The following CROCC2 variants were observed in gnomAD, a reference collection of about 807,000 sequenced individuals.
CROCC2 encodes the protein ciliary rootlet coiled-coil, rootletin family member 2.
Under a neutral mutation model 177.6 loss-of-function variants are expected in CROCC2, and 163 were observed. That is an observed-to-expected ratio of 0.92 (90% confidence interval 0.81 to 1.05). The LOEUF (loss-of-function observed/expected upper bound fraction) is 1.05, where lower values mean the gene tolerates loss of function less well. Among genes scored for constraint, CROCC2 ranks in the 50% least tolerant of loss-of-function variants. The pLI, the probability that CROCC2 is intolerant of heterozygous loss-of-function variation, is 0.00. For missense variants in CROCC2, 1,929 were observed against 1,797.8 expected (o/e 1.07, Z -1.32); for synonymous variants, 904 against 787.3 (o/e 1.15, Z -2.48).
chr2:240,911,045 C>A (rs2106448988), intron 1 of CROCC2, among the ~76,000 whole-genome samples: 1 of 152,118 alleles, frequency 6.6e-6, no homozygotes, highest in Non-Finnish European at 1.5e-5. Flanking sequence ...GCAGGAGAAT[C>A]GCTTGAACCC....
chr2:240,947,899 A>G (rs764022821), intron 15 of CROCC2, among the ~76,000 whole-genome samples: 1 of 149,548 alleles, frequency 6.7e-6, no homozygotes, highest in African/African-American at 2.5e-5. Flanking sequence ...CAGGGTCTCA[A>G]TGGCAGAGCC....
chr2:240,920,033 G>A lies in CROCC2; in HGVS notation c.280G>A (p.Glu94Lys), dbSNP rs577749734. ...TGTGGCCCGAGTGCAAGAGGAGAAC[G>A]AGCTCCTGCAGGAGGAGCTGACCCG... ...ATVARVQEEN[E>K]LLQEELTRLG... is the part of the protein sequence containing the mutation. Residue 94 changes from glutamate (E) to lysine (K), a missense_variant, in exon 3 of 32, where the codon GAG (glutamate) becomes AAG (lysine). Around this residue, in one of 3 missense-constraint regions of CROCC2, gnomAD observed 1,397 missense variants for 1,239.9 expected, o/e 1.13. Coordinates refer to ENST00000690015, the MANE Select transcript of CROCC2 (RefSeq NM_001351305.2). The A allele has an allele frequency of 2.7e-4, 196 of 716,584 alleles. 2 individuals are homozygous for A. Among genetic ancestry groups the A allele is most frequent in the South Asian group, 2.0e-3 (133 of 67,576 alleles). The allele number at this position is 716,584 out of a possible 1,614,324, so 44.4% of individuals were successfully genotyped here. A position where few individuals can be genotyped will look rare whatever the true frequency, so the allele number is the denominator to read the frequency against.
At position 240,918,777 on chromosome 2, in the gene CROCC2, C is replaced by G. The variant is rs1298705547; in HGVS notation, c.130C>G (p.Leu44Val). Reference protein sequence around the residue: ...SPTASREDRALTVRGEGRQAS... With the variant: ...SPTASREDRAVTVRGEGRQAS... ...CACAGCCAGCAGGGAAGACCGGGCGCTGACCGTGCGTGGGGAAGGCCGGCA... is the reference window on the plus strand; with the variant it reads ...CACAGCCAGCAGGGAAGACCGGGCGGTGACCGTGCGTGGGGAAGGCCGGCA... The change falls in exon 2 of 32, where the codon CTG (leucine) becomes GTG (valine). Residue 44 changes from leucine to valine, a missense_variant. Around this residue, in one of 3 missense-constraint regions of CROCC2, gnomAD observed 1,397 missense variants for 1,239.9 expected, o/e 1.13. Transcript: ENST00000690015. This position sits in a 1 kb window ranked among gnomAD's most constrained non-coding sequence, Gnocchi z 6.3. 1.7e-6 allele frequency: 1 copy of G among 591,018 alleles called. No individual in the cohort carries two copies. Among genetic ancestry groups the G allele is most frequent in the African/African-American group, 2.0e-5 (1 of 50,820 alleles). The allele number at this position is 591,018 out of a possible 1,614,324, so 36.6% of individuals were successfully genotyped here.
At chr2:240,955,505 G>T in intron 18 of CROCC2, 1 of 231,634 alleles carries the variant, frequency 4.3e-6, no homozygotes, top group East Asian at 8.9e-5. Context: ...GTTGCCTAGA[G>T]GGATGGGGGT....
At position 240,925,810 on chromosome 2, in the gene CROCC2, T is replaced by C; in HGVS notation, c.575T>C (p.Leu192Pro). 1.4e-6 allele frequency: 1 copy of C among 716,832 alleles called. No homozygotes were observed. Among genetic ancestry groups the C allele is most frequent in the Non-Finnish European group, 2.6e-6 (1 of 384,924 alleles). The allele number at this position is 716,832 out of a possible 1,614,324, so 44.4% of individuals were successfully genotyped here. A position where few individuals can be genotyped will look rare whatever the true frequency, so the allele number is the denominator to read the frequency against. Residue 192 changes from leucine to proline, a missense_variant, in exon 5 of 32, where the codon CTG becomes CCG. By Grantham distance (98) the Leu-to-Pro change is moderately conservative (BLOSUM62 -3). Around this residue, in one of 3 missense-constraint regions of CROCC2, gnomAD observed 1,397 missense variants for 1,239.9 expected, o/e 1.13. Coordinates refer to ENST00000690015, the MANE Select transcript of CROCC2 (RefSeq NM_001351305.2). ...GCCAATGACGCGCTGGGCCGGGAGC[T>C]GGCCGGGATGACGGGCAGCGTGCAG... ...KKANDALGRE[L>P]AGMTGSVQRL...
At chr2:240,920,909 G>T (rs1363706853) in intron 3 of CROCC2, among the ~76,000 whole-genome samples, 2 of 152,216 alleles carry the variant, frequency 1.3e-5, no homozygotes, top group Non-Finnish European at 2.9e-5. Flanking sequence ...TGCGTGGAGT[G>T]GGGTGTCCAG....
At chr2:240,935,821 G>A (rs1574761664) in intron 14 of CROCC2, among the ~76,000 whole-genome samples, 1 of 152,190 alleles carries the variant, frequency 6.6e-6, no homozygotes, top group Non-Finnish European at 1.5e-5. Context: ...CCGCCACTTG[G>A]CAGGGGAGCC....
chr2:240,909,148 G>A (rs1210038867), intron 1 of CROCC2, among the ~76,000 whole-genome samples: 9 of 51,162 alleles, frequency 1.8e-4, no homozygotes, highest in Non-Finnish European at 1.5e-4. Flanking sequence ...CACCTGGGGT[G>A]AGCTCTACCT....
At chr2:240,961,420 C>A (rs553894919) in intron 20 of CROCC2, among the ~76,000 whole-genome samples, 1 of 152,130 alleles carries the variant, frequency 6.6e-6, no homozygotes, top group East Asian at 1.9e-4. Context: ...GCACCAAGCA[C>A]ACACACGCAT....
chr2:240,916,787 G>A (rs2059324347), intron 1 of CROCC2, among the ~76,000 whole-genome samples: 1 of 152,212 alleles, frequency 6.6e-6, no homozygotes, highest in African/African-American at 2.4e-5. Context: ...GGAGGGCGGG[G>A]CAGAGCCCTT....
intron 20 of CROCC2, among the ~76,000 whole-genome samples, chr2:240,961,343 TCACA>T (rs879431835): frequency 3.3e-5 from 5 of 151,960 alleles, no homozygotes; most frequent in East Asian, 1.9e-4. Flanking sequence ...CCTCACACAC[TCACA>T]CACACTCACG....
chr2:240,963,685 A>G lies in CROCC2; in HGVS notation c.3217A>G (p.Ser1073Gly). 3.2e-6 allele frequency: 5 copies of G among 1,550,198 alleles called. No homozygotes were observed. Among genetic ancestry groups the G allele is most frequent in the Non-Finnish European group, 4.4e-6 (5 of 1,146,816 alleles). The change falls in exon 21 of 32, where the codon AGT becomes GGT. Residue 1073 changes from serine (S) to glycine (G), a missense_variant. Ser to Gly is a moderately conservative substitution (Grantham distance 56). Around this residue, in one of 3 missense-constraint regions of CROCC2, gnomAD observed 1,397 missense variants for 1,239.9 expected, o/e 1.13. Coordinates refer to ENST00000690015, the MANE Select transcript of CROCC2 (RefSeq NM_001351305.2). Reference protein sequence around the residue: ...REAQEARRALSDEAREKDVLL... With the variant: ...REAQEARRALGDEAREKDVLL... The stretch of plus-strand genomic sequence containing the variant: ...GGCCCAGGAGGCCCGCCGGGCGCTG[A>G]GTGACGAGGCCCGCGAGAAGGACGT...
At position 240,935,519 on chromosome 2, in the gene CROCC2, G is replaced by A; in HGVS notation, c.2100G>A (p.Gln700=). The part of the protein sequence containing the change: ...QQACGRLEQR[Q]EQLEGQAALL... ...CCTGCGGACGCCTGGAGCAGCGGCA[G>A]GAGCAGCTGGAGGGGCAGGCAGCCC... The change falls in exon 14 of 32, where the codon CAG becomes CAA. Residue 700 remains glutamine, a synonymous_variant. Transcript: ENST00000690015. The A allele has an allele frequency of 1.5e-6, 2 of 1,350,552 alleles. No individual in the cohort carries two copies. Among genetic ancestry groups the A allele is most frequent in the Non-Finnish European group, 1.9e-6 (2 of 1,048,760 alleles). 83.7% of individuals were successfully genotyped at this position (1,350,552 alleles called of 1,614,324 possible).
chr2:240,919,830 G>A (rs1462663711), intron 2 of CROCC2, among the ~76,000 whole-genome samples, 153 bp from the exon 3 acceptor site: 9 of 152,168 alleles, frequency 5.9e-5, no homozygotes, highest in Admixed American at 2.0e-4. Flanking sequence ...TAGGGTCCCG[G>A]GCTCAGATCT....
rs758954675 is a variant in CROCC2, at chr2:240,918,787, G to A, written c.140G>A (p.Arg47His). 2.3e-5 allele frequency: 14 copies of A among 597,304 alleles called. No individual in the cohort carries two copies. The highest frequency in any genetic ancestry group is 2.6e-4 in the Middle Eastern group (1 of 3,894). 37.0% of individuals were successfully genotyped at this position (597,304 alleles called of 1,614,324 possible). The stretch of plus-strand genomic sequence containing the variant: ...AGGGAAGACCGGGCGCTGACCGTGC[G>A]TGGGGAAGGCCGGCAGGCCTCGCCC... ...ASREDRALTV[R>H]GEGRQASPTP... The change falls in exon 2 of 32, where the codon CGT (arginine) becomes CAT (histidine). Residue 47 changes from arginine (R) to histidine (H), a missense_variant. This residue lies in a region of CROCC2 where 1,397 missense variants were observed against 1,239.9 expected (regional missense o/e 1.13). Transcript: ENST00000690015. This position sits in a 1 kb window ranked among gnomAD's most constrained non-coding sequence, Gnocchi z 6.3.
chr2:240,947,091 G>T (rs2059528658), intron 15 of CROCC2, among the ~76,000 whole-genome samples: 1 of 152,286 alleles, frequency 6.6e-6, no homozygotes, highest in Non-Finnish European at 1.5e-5. Flanking sequence ...TTAGGGCCCT[G>T]CTCAGGCACT....
chr2:240,927,804 C>A (rs1472975912), intron 5 of CROCC2, among the ~76,000 whole-genome samples: 3 of 152,336 alleles, frequency 2.0e-5, no homozygotes, highest in African/African-American at 7.2e-5. Flanking sequence ...GCGTGTGCCA[C>A]CACGCCTGGA....
rs1222892569 is a variant in CROCC2, at chr2:240,935,569, T to C, written c.2150T>C (p.Leu717Pro). 8.1e-6 allele frequency: 11 copies of C among 1,353,740 alleles called. No individual in the cohort carries two copies. The highest frequency in any genetic ancestry group is 6.0e-5 in the East Asian group (2 of 33,368). 83.9% of individuals were successfully genotyped at this position (1,353,740 alleles called of 1,614,324 possible). A position where few individuals can be genotyped will look rare whatever the true frequency, so the allele number is the denominator to read the frequency against. The change falls in exon 14 of 32, where the codon CTC becomes CCC. Residue 717 changes from leucine (L) to proline (P), a missense_variant. Physicochemically the swap from Leu to Pro is moderately conservative, Grantham distance 98. Around this residue, in one of 3 missense-constraint regions of CROCC2, gnomAD observed 1,397 missense variants for 1,239.9 expected, o/e 1.13. Coordinates refer to ENST00000690015, the MANE Select transcript of CROCC2 (RefSeq NM_001351305.2). Reference protein sequence around the residue: ...AALLGREKAQLQEQVGQVTCQ... With the variant: ...AALLGREKAQPQEQVGQVTCQ... ...CTGCTGGGGCGAGAGAAGGCCCAGC[T>C]CCAGGAGCAGGTGGGCCAGGTGAGG... is the stretch of plus-strand genomic sequence containing the variant.
chr2:240,938,238 G>A (rs1038833794), intron 14 of CROCC2, among the ~76,000 whole-genome samples: 8 of 152,186 alleles, frequency 5.3e-5, no homozygotes, highest in African/African-American at 9.7e-5. Context: ...GCACACTAAC[G>A]TGTGAGGACC....
Sources: gnomAD v4.1 joint callset for allele counts (sites outside exome capture counted in the v4.1 genomes callset) on GRCh38, gnomAD v4.1.1 for gene constraint, gnomAD v4.1.1 regional missense constraint, Gnocchi (gnomAD v3.1) non-coding constraint, MANE v1.5 for transcripts, NCBI Gene and HGNC (gene_info 2026-07-23, HGNC 2026-07-21) for gene names.